The following RPH3A variants were observed in gnomAD, a reference collection of about 807,000 sequenced individuals.
The protein encoded by RPH3A is rabphilin-3A.
Under a neutral mutation model 102.2 loss-of-function variants are expected in RPH3A, and 48 were observed. That is an observed-to-expected ratio of 0.47 (90% CI 0.37 to 0.60). RPH3A has a LOEUF of 0.60. RPH3A is among the 20% of genes least tolerant of loss of function. RPH3A has a pLI of 0.00. For synonymous variants in RPH3A, 310 were observed against 324.3 expected (o/e 0.96, Z 0.47); for missense variants, 781 against 910.1 (o/e 0.86, Z 1.83).
chr12:112,719,964 A>G (rs1335982982), intron 1 of RPH3A, among the ~76,000 whole-genome samples: 1 of 152,190 alleles, frequency 6.6e-6, no homozygotes, highest in Non-Finnish European at 1.5e-5. Context: ...TCGAGCCTAT[A>G]GTTTTTTTCT....
chr12:112,792,888 C>T (rs1298661555), intron 2 of RPH3A, among the ~76,000 whole-genome samples: 2 of 152,146 alleles, frequency 1.3e-5, no homozygotes, highest in Non-Finnish European at 2.9e-5. Context: ...TCAGGCTGGC[C>T]AGAAGGGAGC....
intron 2 of RPH3A, among the ~76,000 whole-genome samples, chr12:112,811,529 C>A (rs1383206644): frequency 5.4e-5 from 7 of 128,492 alleles, no homozygotes; most frequent in African/African-American, 8.7e-5. Flanking sequence ...CTAAATAGAA[C>A]CCCCCCCCCA....
At chr12:112,878,988 C>A (rs539806830) in intron 13 of RPH3A, 131 bp from the exon 14 acceptor site, 4 of 797,336 alleles carry the variant, frequency 5.0e-6, no homozygotes, top group East Asian at 4.9e-5. Flanking sequence ...GAACTCACAG[C>A]AAAAACCGAG....
chr12:112,869,676 A>G (rs2042671665), intron 8 of RPH3A, 83 bp from the exon 9 acceptor site: 1 of 1,287,188 alleles, frequency 7.8e-7, no homozygotes, highest in Non-Finnish European at 1.1e-6. Flanking sequence ...TAGTCAATGA[A>G]CCCCTTTGTA....
chr12:112,822,828 T>C (rs907292448), intron 2 of RPH3A, among the ~76,000 whole-genome samples: 7 of 152,238 alleles, frequency 4.6e-5, no homozygotes, highest in Non-Finnish European at 7.3e-5. Flanking sequence ...GAGATAAAAC[T>C]TGAAAGGTGC....
At chr12:112,634,461 C>T (rs987712198) in intron 1 of RPH3A, among the ~76,000 whole-genome samples, 4 of 142,218 alleles carry the variant, frequency 2.8e-5, no homozygotes, top group South Asian at 2.3e-4. Context: ...GAGGCTGAGG[C>T]GGGAGAATTG....
intron 10 of RPH3A, among the ~76,000 whole-genome samples, chr12:112,871,638 T>C (rs899065625): frequency 2.0e-5 from 3 of 151,792 alleles, no homozygotes; most frequent in Non-Finnish European, 2.9e-5. Flanking sequence ...AGCTTAGCAT[T>C]CCAATAATGG....
intron 5 of RPH3A, among the ~76,000 whole-genome samples, chr12:112,857,569 G>A (rs2042430881): frequency 6.6e-6 from 1 of 152,174 alleles, no homozygotes; most frequent in Admixed American, 6.5e-5. Flanking sequence ...TCTAGAAACT[G>A]GAAAAGGCCC....
At chr12:112,601,924 G>C (rs914471069) in intron 1 of RPH3A, among the ~76,000 whole-genome samples, 1 of 152,158 alleles carries the variant, frequency 6.6e-6, no homozygotes, top group Non-Finnish European at 1.5e-5. Context: ...CTGGGTGACA[G>C]AGCGAGACTT....
chr12:112,731,577 A>G (rs1171565481), intron 1 of RPH3A, among the ~76,000 whole-genome samples: 2 of 152,190 alleles, frequency 1.3e-5, no homozygotes, highest in African/African-American at 2.4e-5. Flanking sequence ...AATTTCCTTT[A>G]TTCCAATCTG....
At chr12:112,771,085 C>G (rs557477559) in intron 1 of RPH3A, among the ~76,000 whole-genome samples, 1 of 152,294 alleles carries the variant, frequency 6.6e-6, no homozygotes, top group African/African-American at 2.4e-5. Flanking sequence ...ACCCTTCCCC[C>G]ACATCTGTTC....
chr12:112,636,448 A>C (rs1053716774), intron 1 of RPH3A, among the ~76,000 whole-genome samples: 1 of 152,198 alleles, frequency 6.6e-6, no homozygotes, highest in Non-Finnish European at 1.5e-5. Flanking sequence ...CCCTCCTAGT[A>C]AACATTTAAA....
chr12:112,605,808 T>A (rs1261042194), intron 1 of RPH3A, among the ~76,000 whole-genome samples: 2 of 152,252 alleles, frequency 1.3e-5, no homozygotes, highest in East Asian at 3.8e-4. Context: ...CAAGAGGCAG[T>A]GGGCTCTGAG....
intron 4 of RPH3A, 134 bp from the exon 5 acceptor site, chr12:112,847,562 T>A: frequency 1.0e-6 from 1 of 973,986 alleles, no homozygotes; most frequent in Non-Finnish European, 1.6e-6. Flanking sequence ...TGTGTCCCAT[T>A]GCAGAGAGGA....
At chr12:112,891,845 G>A (rs933091213) in intron 19 of RPH3A, among the ~76,000 whole-genome samples, 1 of 152,200 alleles carries the variant, frequency 6.6e-6, no homozygotes, top group Non-Finnish European at 1.5e-5. Context: ...GGTCAGTTAC[G>A]CTTCCTGTAG....
At chr12:112,759,325 T>C in intron 1 of RPH3A, among the ~76,000 whole-genome samples, 1 of 152,220 alleles carries the variant, frequency 6.6e-6, no homozygotes, top group Non-Finnish European at 1.5e-5. Context: ...GGCAGGTCAT[T>C]GTCCCACACC....
At chr12:112,764,878 T>C (rs1190240904) in intron 1 of RPH3A, among the ~76,000 whole-genome samples, 1 of 152,126 alleles carries the variant, frequency 6.6e-6, no homozygotes, top group Non-Finnish European at 1.5e-5. Context: ...CATCCCCCCA[T>C]AACCAATTTC....
At chr12:112,881,735 C>T (rs1367894435) in intron 14 of RPH3A, 37 bp from the exon 15 acceptor site, 2 of 1,526,588 alleles carry the variant, frequency 1.3e-6, no homozygotes, top group Non-Finnish European at 9.0e-7. Flanking sequence ...ACTGGGCCCT[C>T]CTGAGGCCCT....
At chr12:112,717,032 C>A (rs930950028) in intron 1 of RPH3A, among the ~76,000 whole-genome samples, 1 of 152,104 alleles carries the variant, frequency 6.6e-6, no homozygotes, top group Non-Finnish European at 1.5e-5. Flanking sequence ...TTGTGTTCTT[C>A]GTCCCATTTA....
Sources: allele counts gnomAD v4.1 joint callset (sites outside exome capture counted in the v4.1 genomes callset), GRCh38; gene constraint gnomAD v4.1.1; transcripts MANE v1.5; gene names NCBI Gene and HGNC (gene_info 2026-07-23, HGNC 2026-07-21).